The following TNRC6A variants were observed in gnomAD, a reference collection of about 807,000 sequenced individuals.
The protein encoded by TNRC6A is trinucleotide repeat containing adaptor 6A.
Under a neutral mutation model 221.2 loss-of-function variants are expected in TNRC6A, and 44 were observed. The ratio of observed to expected loss-of-function variants is 0.20; its 90% confidence interval spans 0.16 to 0.26. TNRC6A has a LOEUF of 0.26. TNRC6A is among the 10% of genes least tolerant of loss of function. The pLI, the probability that TNRC6A is intolerant of heterozygous loss-of-function variation, is 1.00. For missense variants in TNRC6A, 2,199 were observed against 2,404.4 expected, an observed-to-expected ratio of 0.91 and a Z score of 1.79; for synonymous variants, 847 against 838.5, an observed-to-expected ratio of 1.01 and a Z score of -0.18.
intron 1 of TNRC6A, among the ~76,000 whole-genome samples, chr16:24,623,238 G>C (rs1253641944): frequency 6.7e-6 from 1 of 149,466 alleles, no homozygotes; most frequent in Non-Finnish European, 1.5e-5. Flanking sequence ...TCCTTCTGTC[G>C]CCCAGGCTGG....
At chr16:24,713,233 C>T (rs957169475) in intron 2 of TNRC6A, among the ~76,000 whole-genome samples, 5 of 151,988 alleles carry the variant, frequency 3.3e-5, no homozygotes, top group Non-Finnish European at 7.4e-5. Flanking sequence ...GCCTGGGTAA[C>T]ATGGCAAAAC....
chr16:24,730,697 T>C (rs2151159647), intron 2 of TNRC6A, among the ~76,000 whole-genome samples: 1 of 147,618 alleles, frequency 6.8e-6, no homozygotes, highest in Middle Eastern at 3.6e-3. Flanking sequence ...GTAGCTCAAA[T>C]TGTTGCTTTT....
chr16:24,654,518 A>C (rs2141864874), intron 2 of TNRC6A, among the ~76,000 whole-genome samples: 1 of 152,234 alleles, frequency 6.6e-6, no homozygotes, highest in Non-Finnish European at 1.5e-5. Flanking sequence ...CAGTCTGACC[A>C]ACATGGTGAA....
Position 24,823,897 on chromosome 16 carries a change from T to C in TNRC6A, c.*90T>C, listed in dbSNP as rs1463630403. The C allele has an allele frequency of 1.2e-5, 15 of 1,301,062 alleles. No homozygotes were observed. The highest frequency in any genetic ancestry group is 1.5e-5 in the Non-Finnish European group (15 of 994,936). 80.6% of individuals were successfully genotyped at this position (1,301,062 alleles called of 1,614,324 possible). A position where few individuals can be genotyped will look rare whatever the true frequency, so the allele number is the denominator to read the frequency against. On this transcript the variant is annotated 3_prime_UTR_variant, in exon 25 of 25. Coordinates refer to ENST00000395799, the MANE Select transcript of TNRC6A (RefSeq NM_014494.4). This position sits in a 1 kb window ranked among gnomAD's most constrained non-coding sequence, Gnocchi z 4.3. ...TCGCCGCCTGCAGCCAGGGGCCGCCTGTGGGAACAGCTATTCTCTGCACAT... is the reference window on the plus strand; with the variant it reads ...TCGCCGCCTGCAGCCAGGGGCCGCCCGTGGGAACAGCTATTCTCTGCACAT...
In TNRC6A at chr16:24,803,954, T is replaced by A. The variant is rs528427028; in HGVS notation, c.3695-223T>A. The A allele has an allele frequency of 6.3e-4, 294 of 463,814 alleles. 2 individuals are homozygous for A. In the South Asian group the frequency reaches 7.9e-3, roughly 12 times the overall value. 28.7% of individuals were successfully genotyped at this position (463,814 alleles called of 1,614,324 possible). On this transcript the variant is annotated intron_variant, in intron 11 of 24. Transcript: ENST00000395799. The stretch of plus-strand genomic sequence containing the variant: ...CAGCCAGCCACCTTCTGTTTACTAG[T>A]CTATTTCAAGTTAATTATTTCAGTA...
intron 2 of TNRC6A, among the ~76,000 whole-genome samples, chr16:24,648,126 T>C (rs1248750856): frequency 6.6e-6 from 1 of 152,134 alleles, no homozygotes; most frequent in East Asian, 1.9e-4. Flanking sequence ...CTTTTGGCTA[T>C]TGGGAATAAT....
At chr16:24,821,554 G>A (rs1481179481) in intron 22 of TNRC6A, among the ~76,000 whole-genome samples, 3 of 152,232 alleles carry the variant, frequency 2.0e-5, no homozygotes, top group Admixed American at 2.0e-4. Context: ...TTGCAGATGG[G>A]GTCAGGGATG....
intron 4 of TNRC6A, among the ~76,000 whole-genome samples, chr16:24,762,406 CTG>C (rs1406211814): frequency 6.6e-6 from 1 of 152,198 alleles, no homozygotes; most frequent in African/African-American, 2.4e-5. Flanking sequence ...GTGCCAGGCA[CTG>C]TGCTTTATTT....
chr16:24,789,831 A>G lies in TNRC6A; in HGVS notation c.1189A>G (p.Thr397Ala), dbSNP rs767610171. The G allele has an allele frequency of 1.4e-5, 22 of 1,614,078 alleles. No homozygotes were observed. The Admixed American group carries it at 3.3e-4, about 24-fold the overall frequency. Residue 397 changes from threonine (T) to alanine (A), a missense_variant, in exon 6 of 25, where the codon ACT becomes GCT. Transcript: ENST00000395799. ...GSSGINIQCS[T>A]IGQMPNNQSI... The stretch of plus-strand genomic sequence containing the variant: ...TTCTGGCATTAATATTCAGTGCAGT[A>G]CTATAGGCCAGATGCCTAACAATCA...
At chr16:24,769,864 A>T (rs575222660) in intron 4 of TNRC6A, among the ~76,000 whole-genome samples, 1 of 152,206 alleles carries the variant, frequency 6.6e-6, no homozygotes, top group Non-Finnish European at 1.5e-5. Flanking sequence ...GCATAGATCC[A>T]GTCACTTTGT....
rs1901767623 is a variant in TNRC6A, at chr16:24,638,679, C to T, written n.277-2205C>T. Among the ~76,000 whole-genome samples, 3 of 151,606 alleles carry T rather than the reference C, an allele frequency of 2.0e-5. No homozygotes were observed. In the South Asian group the frequency reaches 6.2e-4, roughly 32 times the overall value. The stretch of plus-strand genomic sequence containing the variant: ...AGTGAGCTGAGACCGCACCATTGCA[C>T]TCCAGCCTGGGCAACAGAGCAAGGT... On this transcript the variant is annotated intron_variant and non_coding_transcript_variant, in intron 1 of 2. Transcript: ENST00000566108.
intron 2 of TNRC6A, among the ~76,000 whole-genome samples, chr16:24,669,941 C>CTTTTGTTTTTTTTTTTTTTT (rs2055256740): frequency 3.7e-5 from 1 of 27,162 alleles, no homozygotes; most frequent in Non-Finnish European, 6.6e-5. Flanking sequence ...GAGGCAGCTA[C>CTTTTGTTTTTTTTTTTTTTT]TTTTTTTTTT....
At chr16:24,801,486 A>G (rs1221120277) in intron 11 of TNRC6A, among the ~76,000 whole-genome samples, 2 of 151,538 alleles carry the variant, frequency 1.3e-5, no homozygotes, top group South Asian at 2.1e-4. Flanking sequence ...AAAGGGATGC[A>G]GAAGTGTTGG....
intron 4 of TNRC6A, among the ~76,000 whole-genome samples, chr16:24,773,613 G>C (rs1304992838): frequency 2.0e-5 from 3 of 152,126 alleles, no homozygotes; most frequent in East Asian, 1.9e-4. Context: ...GATGTTACCT[G>C]TTTTCAAGAT....
chr16:24,676,667 T>C (rs972536983), intron 2 of TNRC6A, among the ~76,000 whole-genome samples: 1 of 152,114 alleles, frequency 6.6e-6, no homozygotes, highest in African/African-American at 2.4e-5. Context: ...TTGCTCAGGC[T>C]AGTTTTGAAC....
At chr16:24,738,761 T>C (rs1286817400) in intron 2 of TNRC6A, among the ~76,000 whole-genome samples, 1 of 152,258 alleles carries the variant, frequency 6.6e-6, no homozygotes, top group African/African-American at 2.4e-5. Context: ...CATGTACAAA[T>C]GTTTGTGTGG....
intron 8 of TNRC6A, chr16:24,795,532 G>C (rs1305916077): frequency 5.0e-6 from 1 of 201,092 alleles, no homozygotes; most frequent in African/African-American, 2.3e-5. Context: ...ATTACCTTTT[G>C]AGGGACCTTA....
At position 24,822,951 on chromosome 16, in the gene TNRC6A, A is replaced by G. The variant is rs1362573815; in HGVS notation, c.5451A>G (p.Gly1817=). The change falls in exon 24 of 25, where the codon GGA becomes GGG. Residue 1817 remains glycine (G), a synonymous_variant. Transcript: ENST00000395799. ...LITFHLNLPH[G]NALVRYSSKE... ...CATTCCACCTGAACCTCCCTCACGG[A>G]AATGCTCTGGTCCGCTACAGTTCAA... 8.7e-6 allele frequency: 14 copies of G among 1,614,130 alleles called. No homozygotes were observed. The South Asian group carries it at 1.3e-4, about 15-fold the overall frequency.
intron 2 of TNRC6A, among the ~76,000 whole-genome samples, chr16:24,689,249 C>A (rs1404707358): frequency 6.6e-6 from 1 of 152,220 alleles, no homozygotes; most frequent in African/African-American, 2.4e-5. Flanking sequence ...TAGACACAAA[C>A]AAACAAGCAA....
Sources: allele counts gnomAD v4.1 joint callset (sites outside exome capture counted in the v4.1 genomes callset), GRCh38; gene constraint gnomAD v4.1.1; non-coding constraint Gnocchi (gnomAD v3.1); transcripts MANE v1.5; gene names NCBI Gene and HGNC (gene_info 2026-07-23, HGNC 2026-07-21).